THADA: variants seen among roughly 807,000 people sequenced by gnomAD.
THADA encodes tRNA (32-2'-O)-methyltransferase regulator THADA.
Under a neutral mutation model 219.8 loss-of-function variants are expected in THADA, and 213 were observed. The ratio of observed to expected loss-of-function variants is 0.97; its 90% CI spans 0.87 to 1.09. THADA has a LOEUF of 1.09. THADA is among the 50% of genes least tolerant of loss of function. The pLI is 0.00. For synonymous variants in THADA, 1,018 were observed against 828.9 expected, an observed-to-expected ratio of 1.23 and a Z score of -3.92; for missense variants, 2,956 against 2,311.3, an observed-to-expected ratio of 1.28 and a Z score of -5.72.
chr2:43,444,131 C>G (rs200241256), intron 26 of THADA, among the ~76,000 whole-genome samples: 2 of 152,188 alleles, frequency 1.3e-5, no homozygotes, highest in East Asian at 3.8e-4. Context: ...CTAAAAATCA[C>G]CACGAACTTA....
At chr2:43,557,503 G>C (rs1697518447) in intron 16 of THADA, among the ~76,000 whole-genome samples, 1 of 152,164 alleles carries the variant, frequency 6.6e-6, no homozygotes, top group Non-Finnish European at 1.5e-5. Flanking sequence ...TGTGTGTGTG[G>C]AAAACAAAGT....
intron 36 of THADA, among the ~76,000 whole-genome samples, chr2:43,263,702 G>A (rs780193844): frequency 6.6e-6 from 1 of 152,124 alleles, no homozygotes; most frequent in African/African-American, 2.4e-5. Flanking sequence ...ACTGAGGTAT[G>A]TTCTAGCCTG....
At chr2:43,298,735 G>T (rs888644155) in intron 31 of THADA, among the ~76,000 whole-genome samples, 14 of 152,102 alleles carry the variant, frequency 9.2e-5, no homozygotes, top group African/African-American at 3.1e-4. Context: ...TCTGGTCTGG[G>T]GCCTTAAGAA....
At chr2:43,239,328 T>C (rs1016674803) in intron 36 of THADA, among the ~76,000 whole-genome samples, 1 of 152,180 alleles carries the variant, frequency 6.6e-6, no homozygotes, top group South Asian at 2.1e-4. Context: ...CCCTGGTGCT[T>C]CTTCTCTGCC....
In THADA at chr2:43,584,538, T is replaced by G. The variant is rs191766166; in HGVS notation, c.533+1863A>C. Among the ~76,000 whole-genome samples, 239 of 152,326 alleles carry G rather than the reference T, an allele frequency of 1.6e-3. 3 individuals carry two copies. The highest frequency in any genetic ancestry group is 0.011 in the Admixed American group (175 of 15,296). The stretch of plus-strand genomic sequence containing the variant: ...GTGAAAGAAGATGTACAGGTATTAT[T>G]TCTCCTCTCTCCCAGAACCTCCTCA... On this transcript the variant is annotated intron_variant, in intron 7 of 37. Coordinates refer to ENST00000405975, the MANE Select transcript of THADA (RefSeq NM_022065.5).
At chr2:43,589,313 T>C (rs1353068982) in intron 4 of THADA, among the ~76,000 whole-genome samples, 1 of 152,190 alleles carries the variant, frequency 6.6e-6, no homozygotes, top group Non-Finnish European at 1.5e-5. Flanking sequence ...AATCCTGTCA[T>C]ATGCTATAAC....
intron 36 of THADA, chr2:43,233,154 A>T: frequency 2.4e-6 from 1 of 413,072 alleles, no homozygotes; most frequent in South Asian, 3.8e-5. Flanking sequence ...AGGATTAGAG[A>T]GTTATCTCCC....
Position 43,498,907 on chromosome 2 carries a change from C to G in THADA, c.3670G>C (p.Gly1224Arg), listed in dbSNP as rs761627286. 9 of 1,600,044 alleles carry G rather than the reference C, an allele frequency of 5.6e-6. No individual in the cohort carries two copies. The African/African-American group carries it at 1.1e-4, about 19-fold the overall frequency. Residue 1224 changes from glycine to arginine, a missense_variant, in exon 25 of 38, where the codon GGA (glycine) becomes CGA (arginine). Coordinates refer to ENST00000405975, the MANE Select transcript of THADA (RefSeq NM_022065.5). ...LRALFRDTRLGENIIPYVADG... is the reference protein window; with the variant it reads ...LRALFRDTRLRENIIPYVADG... ...GCAACATAAGGAATAATATTTTCTC[C>G]CAGGCGCGTATCTCTGAACAATGCT... is the stretch of plus-strand genomic sequence containing the variant.
chr2:43,340,053 A>T (rs1020578874), intron 30 of THADA, among the ~76,000 whole-genome samples: 1 of 152,240 alleles, frequency 6.6e-6, no homozygotes, highest in East Asian at 1.9e-4. Flanking sequence ...GGACAGCAGC[A>T]GATCCCTACT....
intron 30 of THADA, among the ~76,000 whole-genome samples, chr2:43,323,915 A>C (rs1210535401): frequency 6.6e-6 from 1 of 152,246 alleles, no homozygotes; most frequent in Admixed American, 6.5e-5. Context: ...AAGGAGCGGC[A>C]GCTTGGGAAG....
Position 43,245,172 on chromosome 2 carries a change from C to CTTTT in THADA, c.5297-12294_5297-12291dup, listed in dbSNP as rs200036949. Among the ~76,000 whole-genome samples the CTTTT allele has an allele frequency of 1.6e-4, 17 of 103,088 alleles. 1 individual carries two copies. The highest frequency in any genetic ancestry group is 3.7e-4 in the South Asian group (1 of 2,724). The allele number at this position is 103,088 out of a possible 152,430, so 67.6% of individuals were successfully genotyped here. A position where few individuals can be genotyped will look rare whatever the true frequency, so the allele number is the denominator to read the frequency against. On this transcript the variant is annotated intron_variant, in intron 36 of 37. Coordinates refer to ENST00000405975, the MANE Select transcript of THADA (RefSeq NM_022065.5). ...TACTGGAGCTTCTTTCTTTCTTCTT[C>CTTTT]TTTTTTTTTTTTTTTTTTGAGACGG...
chr2:43,329,770 C>T (rs1030451539), intron 30 of THADA, among the ~76,000 whole-genome samples: 13 of 152,282 alleles, frequency 8.5e-5, no homozygotes, highest in African/African-American at 1.4e-4. Context: ...TTAGAAACCA[C>T]GTAGACTGGT....
chr2:43,400,472 T>TATATATATATATATATATAA lies in THADA; in HGVS notation c.4059-2334_4059-2333insTTATATATATATATATATAT, dbSNP rs1477151044. Among the ~76,000 whole-genome samples, 149 of 144,082 alleles carry TATATATATATATATATATAA rather than the reference T, an allele frequency of 1.0e-3. 2 individuals carry two copies. Among genetic ancestry groups the TATATATATATATATATATAA allele is most frequent in the African/African-American group, 3.5e-3 (138 of 39,216 alleles). The allele number at this position is 144,082 out of a possible 152,430, so 94.5% of individuals were successfully genotyped here. On this transcript the variant is annotated intron_variant, in intron 28 of 37. Coordinates refer to ENST00000405975, the MANE Select transcript of THADA (RefSeq NM_022065.5). ...ATAGACAAATTTATATATATATATA[T>TATATATATATATATATATAA]ATATAAATATATACACTAAGAAAAA...
chr2:43,433,083 G>A (rs1260565074), intron 26 of THADA, among the ~76,000 whole-genome samples: 1 of 151,846 alleles, frequency 6.6e-6, no homozygotes, highest in Non-Finnish European at 1.5e-5. Context: ...GAAGCTTTAT[G>A]GTTTTAGCTT....
chr2:43,311,522 C>T (rs1677511215), intron 31 of THADA, among the ~76,000 whole-genome samples: 1 of 152,092 alleles, frequency 6.6e-6, no homozygotes, highest in Admixed American at 6.6e-5. Context: ...AGGTAAATAC[C>T]CAAGAGAATT....
At chr2:43,339,798 C>G (rs1666874810) in intron 30 of THADA, among the ~76,000 whole-genome samples, 1 of 152,116 alleles carries the variant, frequency 6.6e-6, no homozygotes, top group South Asian at 2.1e-4. Flanking sequence ...CTGGAATCTG[C>G]AAGCAGCAAG....
At chr2:43,233,980 C>T (rs13399366) in intron 36 of THADA, among the ~76,000 whole-genome samples, 21,741 of 151,300 alleles carry the variant, frequency 0.14, 1,763 homozygotes, top group African/African-American at 0.22. Context: ...GACCATCTGG[C>T]CCCCGAAAGA....
chr2:43,239,816 G>T (rs180672963), intron 36 of THADA, among the ~76,000 whole-genome samples: 1 of 152,262 alleles, frequency 6.6e-6, no homozygotes, highest in East Asian at 1.9e-4. Flanking sequence ...ACTGGCCAAG[G>T]TGTTGGGTGG....
At chr2:43,405,408 TTA>T (rs1460742258) in intron 28 of THADA, among the ~76,000 whole-genome samples, 3 of 152,200 alleles carry the variant, frequency 2.0e-5, no homozygotes, top group African/African-American at 7.2e-5. Context: ...TATGTTTTTG[TTA>T]TAAATGTGGC....
Sources: allele counts gnomAD v4.1 joint callset (sites outside exome capture counted in the v4.1 genomes callset), GRCh38; gene constraint gnomAD v4.1.1; transcripts MANE v1.5; gene names NCBI Gene and HGNC (gene_info 2026-07-23, HGNC 2026-07-21).